The following SCHIP1 variants were observed in gnomAD, a reference collection of about 807,000 sequenced individuals.
SCHIP1 encodes the protein schwannomin-interacting protein 1.
A neutral mutation model predicts 29.7 loss-of-function variants in SCHIP1; 8 were observed. That is an observed-to-expected ratio of 0.27 (90% CI 0.16 to 0.49). The LOEUF is 0.49. Among genes scored for constraint, SCHIP1 ranks in the 20% least tolerant of loss-of-function variants. The pLI, the probability that SCHIP1 is intolerant of heterozygous loss-of-function variation, is 0.99. For missense variants in SCHIP1, 193 were observed against 294.6 expected, an observed-to-expected ratio of 0.66 and a Z score of 2.52; for synonymous variants, 76 against 94.9, an observed-to-expected ratio of 0.80 and a Z score of 1.16.
chr3:159,407,301 A>G, the SCHIP1 span, among the ~76,000 whole-genome samples: 3 of 152,258 alleles, frequency 2.0e-5, no homozygotes, highest in Non-Finnish European at 4.4e-5. Context: ...AAATGTCGTT[A>G]TATAATGATA....
At chr3:159,479,728 C>G in the SCHIP1 span, among the ~76,000 whole-genome samples, 19 of 152,236 alleles carry the variant, frequency 1.2e-4, no homozygotes, top group African/African-American at 4.1e-4. Context: ...GATGAGAAAA[C>G]TGACACCAAG....
the SCHIP1 span, among the ~76,000 whole-genome samples, chr3:159,289,855 G>T: frequency 6.6e-6 from 1 of 152,190 alleles, no homozygotes. Context: ...ACATTTCAAC[G>T]TTCTTACAAG....
At chr3:159,305,453 TTTC>T in the SCHIP1 span, among the ~76,000 whole-genome samples, 3 of 152,232 alleles carry the variant, frequency 2.0e-5, no homozygotes, top group Non-Finnish European at 2.9e-5. Flanking sequence ...CCTGCCTTTC[TTTC>T]TTCTTCTTTT....
chr3:159,853,171 C>G (rs956821772), intron 1 of SCHIP1: 2 of 427,076 alleles, frequency 4.7e-6, no homozygotes, highest in East Asian at 3.6e-5. Flanking sequence ...AGCAGCTGCC[C>G]GGTGCCAGAG....
the SCHIP1 span, among the ~76,000 whole-genome samples, chr3:159,600,724 G>A: frequency 3.9e-5 from 6 of 152,080 alleles, no homozygotes; most frequent in East Asian, 9.6e-4. Flanking sequence ...CTTTGAAGGT[G>A]TCATATTTCC....
the SCHIP1 span, among the ~76,000 whole-genome samples, chr3:159,427,766 G>A: frequency 6.6e-6 from 1 of 152,072 alleles, no homozygotes; most frequent in Non-Finnish European, 1.5e-5. Context: ...AACAAAGCTG[G>A]AGGCATCACA....
chr3:159,300,922 CATG>C, the SCHIP1 span, among the ~76,000 whole-genome samples: 1 of 152,102 alleles, frequency 6.6e-6, no homozygotes, highest in Admixed American at 6.6e-5. Context: ...CTTAAATATC[CATG>C]ATGTTTTCTT....
At chr3:159,773,963 G>T in the SCHIP1 span, among the ~76,000 whole-genome samples, 1 of 152,196 alleles carries the variant, frequency 6.6e-6, no homozygotes. Flanking sequence ...GATGCCTGGC[G>T]TAGTTAGAAT....
At chr3:159,632,058 A>G in the SCHIP1 span, among the ~76,000 whole-genome samples, 2 of 152,150 alleles carry the variant, frequency 1.3e-5, no homozygotes, top group African/African-American at 4.8e-5. Context: ...TTTTAAATCT[A>G]TGTTTTAGCT....
At chr3:159,840,278 A>G (rs1744106701) in intron 1 of SCHIP1, 2 of 1,395,750 alleles carry the variant, frequency 1.4e-6, no homozygotes, top group Non-Finnish European at 2.0e-6. Flanking sequence ...CCTCTTCCAA[A>G]GCAGCAGGTT....
At chr3:159,712,069 C>T in the SCHIP1 span, among the ~76,000 whole-genome samples, 1 of 152,160 alleles carries the variant, frequency 6.6e-6, no homozygotes, top group African/African-American at 2.4e-5. Flanking sequence ...TTGACCCTTA[C>T]AAAGCTGGTG....
At chr3:159,543,050 C>T in the SCHIP1 span, among the ~76,000 whole-genome samples, 15 of 150,068 alleles carry the variant, frequency 1.0e-4, 1 homozygote, top group Admixed American at 1.0e-3. Flanking sequence ...TATATACACA[C>T]ATGCATATGT....
chr3:159,399,140 T>G, the SCHIP1 span, among the ~76,000 whole-genome samples: 4 of 152,134 alleles, frequency 2.6e-5, no homozygotes, highest in Admixed American at 6.5e-5. Flanking sequence ...GCTTGGAATG[T>G]TCTCCTCCCC....
the SCHIP1 span, among the ~76,000 whole-genome samples, chr3:159,567,405 A>G: frequency 6.6e-6 from 1 of 152,074 alleles, no homozygotes; most frequent in African/African-American, 2.4e-5. Context: ...TTCCTTATAT[A>G]CACAAGATAT....
chr3:159,443,839 T>A, the SCHIP1 span, among the ~76,000 whole-genome samples: 3 of 152,104 alleles, frequency 2.0e-5, no homozygotes, highest in African/African-American at 7.2e-5. Flanking sequence ...CACTGATGCC[T>A]TTTTTTGGAT....
chr3:159,674,985 A>G, the SCHIP1 span, among the ~76,000 whole-genome samples: 3 of 152,310 alleles, frequency 2.0e-5, no homozygotes, highest in African/African-American at 7.2e-5. Flanking sequence ...TGTACACCCT[A>G]CATTGGACCA....
At chr3:159,644,622 T>TA in the SCHIP1 span, among the ~76,000 whole-genome samples, 1 of 152,102 alleles carries the variant, frequency 6.6e-6, no homozygotes, top group African/African-American at 2.4e-5. Flanking sequence ...AGCAGGACCA[T>TA]AAAAGTACTT....
chr3:159,709,918 T>C, the SCHIP1 span, among the ~76,000 whole-genome samples: 1 of 152,230 alleles, frequency 6.6e-6, no homozygotes, highest in Non-Finnish European at 1.5e-5. Flanking sequence ...GAATGGCTAT[T>C]ATCAAAAAGA....
chr3:159,298,288 C>T, the SCHIP1 span, among the ~76,000 whole-genome samples: 3 of 152,192 alleles, frequency 2.0e-5, no homozygotes, highest in South Asian at 6.2e-4. Context: ...CACCTTACCA[C>T]TTCCCAAACT....
Sources: gnomAD v4.1 joint callset for allele counts (sites outside exome capture counted in the v4.1 genomes callset) on GRCh38, gnomAD v4.1.1 for gene constraint, MANE v1.5 for transcripts, NCBI Gene and HGNC (gene_info 2026-07-23, HGNC 2026-07-21) for gene names.